Variants in NPC1L1 observed in about 807,000 individuals in gnomAD.
NPC1L1 encodes NPC1-like intracellular cholesterol transporter 1.
A neutral mutation model predicts 117.0 loss-of-function variants in NPC1L1; 98 were observed. The ratio of observed to expected loss-of-function variants is 0.84; its 90% CI spans 0.71 to 0.99. The LOEUF (loss-of-function observed/expected upper bound fraction) is 0.99. NPC1L1 is among the 50% of genes least tolerant of loss of function. The pLI is 0.00. For missense variants in NPC1L1, 1,540 were observed against 1,710.0 expected, an observed-to-expected ratio of 0.90 and a Z score of 1.75; for synonymous variants, 729 against 727.6, an observed-to-expected ratio of 1.00 and a Z score of -0.03.
rs140639995 is a variant in NPC1L1 at position 44,534,924 on chromosome 7, G to A, written c.1984-295C>T. On this transcript the variant is annotated intron_variant, in intron 5 of 18. Transcript: ENST00000381160. This position sits in a 1 kb window ranked among gnomAD's most constrained non-coding sequence, Gnocchi z 5.2. ...TTGCATTTGGGCAAGTGAGGGTATG[G>A]CATGTAACAGACAGAAAACTGCTCT... Among the ~76,000 whole-genome samples, 9 of 152,296 alleles carry A rather than the reference G, an allele frequency of 5.9e-5. No individual in the cohort carries two copies. The highest frequency in any genetic ancestry group is 3.9e-4 in the Admixed American group (6 of 15,296).
Position 44,536,956 on chromosome 7 carries a change from AC to A in NPC1L1, c.1581-15del. The A allele has an allele frequency of 6.2e-7, 1 of 1,610,848 alleles. No individual in the cohort carries two copies. Among genetic ancestry groups the A allele is most frequent in the Non-Finnish European group, 8.5e-7 (1 of 1,177,778 alleles). Reference sequence around the variant, plus strand: ...GTGAGCGGGGCACTAGAGGGAGATGACCGCAAAGGGAAAGGGCCTTTCCTGG... The same window carrying A: ...GTGAGCGGGGCACTAGAGGGAGATGACGCAAAGGGAAAGGGCCTTTCCTGG... On this transcript the variant is annotated splice_polypyrimidine_tract_variant and intron_variant, in intron 2 of 18. Coordinates refer to ENST00000381160, the MANE Select transcript of NPC1L1 (RefSeq NM_001101648.2). The surrounding 1 kb of genome is among the most constrained non-coding windows in gnomAD (Gnocchi z 4.7).
Position 44,539,413 on chromosome 7 carries a change from C to T in NPC1L1, c.984G>A (p.Lys328=). 1.2e-6 allele frequency: 2 copies of T among 1,614,130 alleles called. No homozygotes were observed. Among genetic ancestry groups the T allele is most frequent in the Non-Finnish European group, 1.7e-6 (2 of 1,180,000 alleles). Residue 328 remains lysine (K), a synonymous_variant, in exon 2 of 19, where the codon AAG becomes AAA. Coordinates refer to ENST00000381160, the MANE Select transcript of NPC1L1 (RefSeq NM_001101648.2). This position sits in a 1 kb window ranked among gnomAD's most constrained non-coding sequence, Gnocchi z 4.4. The stretch of plus-strand genomic sequence containing the variant: ...GGAGGGTGTGGGTGGAGAAGCTGAG[C>T]TTGTCAGAGAGGCTGGTGCCCTTCT... ...DPKKGTSLSD[K]LSFSTHTLLG...
rs1801908067 is a variant in NPC1L1, at chr7:44,536,762, C to T, written c.1681+80G>A. On this transcript the variant is annotated intron_variant, in intron 3 of 18. Coordinates refer to ENST00000381160, the MANE Select transcript of NPC1L1 (RefSeq NM_001101648.2). The surrounding 1 kb of genome is among the most constrained non-coding windows in gnomAD (Gnocchi z 4.7). ...CCCCAGGCCGCGAGAATCCCCAGCA[C>T]CACTCCCACCCTCCCGTCTATGGTT... is the stretch of plus-strand genomic sequence containing the variant. 10 of 1,299,288 alleles carry T rather than the reference C, an allele frequency of 7.7e-6. No homozygotes were observed. The South Asian group carries it at 1.2e-4, about 16-fold the overall frequency. The allele number at this position is 1,299,288 out of a possible 1,614,324, so 80.5% of individuals were successfully genotyped here.
intron 14 of NPC1L1, among the ~76,000 whole-genome samples, chr7:44,520,095 C>A (rs913966105): frequency 1.3e-5 from 2 of 152,180 alleles, no homozygotes; most frequent in African/African-American, 4.8e-5. Flanking sequence ...GCTTGGCCAA[C>A]GTGGTGCAAT....
rs148210447 is a variant in NPC1L1 at position 44,536,881 on chromosome 7, C to A, written c.1642G>T (p.Ala548Ser). Residue 548 changes from alanine to serine, a missense_variant, in exon 3 of 19, where the codon GCC (alanine) becomes TCC (serine). By Grantham distance (99) the Ala-to-Ser change is moderately conservative. Around this residue, in one of 3 missense-constraint regions of NPC1L1, gnomAD observed 793 missense variants for 820.4 expected, o/e 0.97. Transcript: ENST00000381160. This position sits in a 1 kb window ranked among gnomAD's most constrained non-coding sequence, Gnocchi z 4.7. ...ATGGCAAGGAAGGGGAAGACAGGGGCCCCGTAGTCAGCCATGCAGCTCAGG... is the reference window on the plus strand; with the variant it reads ...ATGGCAAGGAAGGGGAAGACAGGGGACCCGTAGTCAGCCATGCAGCTCAGG... ...LALSCMADYG[A>S]PVFPFLAIGG... 2.2e-4 allele frequency: 353 copies of A among 1,614,058 alleles called. No individual in the cohort carries two copies. The highest frequency in any genetic ancestry group is 2.8e-4 in the Non-Finnish European group (333 of 1,180,038).
chr7:44,535,356 C>T (rs1235502009), intron 5 of NPC1L1, among the ~76,000 whole-genome samples: 1 of 150,102 alleles, frequency 6.7e-6, no homozygotes, highest in Non-Finnish European at 1.5e-5. Context: ...AAGAGCAAAG[C>T]TCTGTCTCAA....
In NPC1L1 at chr7:44,535,847, C is replaced by T. The variant is rs536746218; in HGVS notation, c.1976G>A (p.Arg659Gln). Reference sequence around the variant, plus strand: ...GTCCCTCCCGCTTCTCACCATCACTCGGCTCCAGCTGGAATAGCTGCCCAG... The same window carrying T: ...GTCCCTCCCGCTTCTCACCATCACTTGGCTCCAGCTGGAATAGCTGCCCAG... ...LALGSYSSWS[R>Q]VMVDSKATLG... The change falls in exon 5 of 19, where the codon CGA becomes CAA. Residue 659 changes from arginine (R) to glutamine (Q), a missense_variant. Arg to Gln is a conservative substitution (Grantham distance 43). This residue lies in a region of NPC1L1 where 742 missense variants were observed against 873.6 expected (regional missense o/e 0.85). Coordinates refer to ENST00000381160, the MANE Select transcript of NPC1L1 (RefSeq NM_001101648.2). The T allele has an allele frequency of 1.5e-5, 25 of 1,612,942 alleles. No individual in the cohort carries two copies. The highest frequency in any genetic ancestry group is 8.0e-5 in the African/African-American group (6 of 75,014).
chr7:44,527,119 T>C (rs534063719), intron 10 of NPC1L1, among the ~76,000 whole-genome samples: 1 of 152,098 alleles, frequency 6.6e-6, no homozygotes, highest in Non-Finnish European at 1.5e-5. Context: ...TCACTAGACC[T>C]TCCCTGAAAG....
In NPC1L1 at chr7:44,540,110, A is replaced by G; in HGVS notation, c.287T>C (p.Leu96Pro). Residue 96 changes from leucine (L) to proline (P), a missense_variant, in exon 2 of 19, where the codon CTG (leucine) becomes CCG (proline). Around this residue, in one of 3 missense-constraint regions of NPC1L1, gnomAD observed 793 missense variants for 820.4 expected, o/e 0.97. Transcript: ENST00000381160. ...NTQACCSAKQ[L>P]VSLEASLSIT... ...CGACAGACTCGCTTCCAGTGATACC[A>G]GCTGCTTGGCGGAGCAGCAGGCTTG... 5.6e-6 allele frequency: 9 copies of G among 1,614,174 alleles called. No homozygotes were observed. The highest frequency in any genetic ancestry group is 7.6e-6 in the Non-Finnish European group (9 of 1,180,038).
chr7:44,532,005 C>T, intron 9 of NPC1L1, 75 bp downstream of exon 9: 1 of 1,609,526 alleles, frequency 6.2e-7, no homozygotes. Flanking sequence ...AACCTCCCCA[C>T]CTCCAACCCT....
At position 44,538,117 on chromosome 7, in the gene NPC1L1, G is replaced by T. The variant is rs140452177; in HGVS notation, c.1580+700C>A. Among the ~76,000 whole-genome samples the T allele has an allele frequency of 7.9e-3, 1,199 of 152,328 alleles. 16 individuals are homozygous for T. Among genetic ancestry groups the T allele is most frequent in the Middle Eastern group, 0.061 (18 of 294 alleles). On this transcript the variant is annotated intron_variant, in intron 2 of 18. Transcript: ENST00000381160. This position sits in a 1 kb window ranked among gnomAD's most constrained non-coding sequence, Gnocchi z 5.9. The stretch of plus-strand genomic sequence containing the variant: ...CCCCTTTTAACTCTCATTTGCTCTG[G>T]AGTATGGAGTACTAAACGTTCATCT...
chr7:44,517,632 C>T (rs936182375), intron 14 of NPC1L1, among the ~76,000 whole-genome samples: 17 of 152,080 alleles, frequency 1.1e-4, no homozygotes, highest in Admixed American at 9.2e-4. Context: ...CCTAGTGAAC[C>T]GAGATTCTTC....
In NPC1L1 at chr7:44,534,497, C is replaced by A. The variant is rs1801804850; in HGVS notation, c.2116G>T (p.Val706Leu). The change falls in exon 6 of 19, where the codon GTG becomes TTG. Residue 706 changes from valine to leucine, a missense_variant. Coordinates refer to ENST00000381160, the MANE Select transcript of NPC1L1 (RefSeq NM_001101648.2). This position sits in a 1 kb window ranked among gnomAD's most constrained non-coding sequence, Gnocchi z 5.2. ...ATGTTATCAGCCCCCACGGACAGCA[C>A]CAGGAAAGGAACCACTTGCAGGATG... ...LVILQVVPFLVLSVGADNIFI... is the reference protein window; with the variant it reads ...LVILQVVPFLLLSVGADNIFI... The A allele has an allele frequency of 6.2e-7, 1 of 1,614,106 alleles. No homozygotes were observed. The highest frequency in any genetic ancestry group is 8.5e-7 in the Non-Finnish European group (1 of 1,180,006).
Position 44,534,420 on chromosome 7 carries a change from G to T in NPC1L1, c.2166+27C>A. ...GGTTGGGAGAAGAGTGGGCAGTTGG[G>T]GGTGTGGAGAGCTCCTCCCTTCTTA... On this transcript the variant is annotated intron_variant, in intron 6 of 18. Coordinates refer to ENST00000381160, the MANE Select transcript of NPC1L1 (RefSeq NM_001101648.2). This position sits in a 1 kb window ranked among gnomAD's most constrained non-coding sequence, Gnocchi z 5.2. 1.9e-6 allele frequency: 3 copies of T among 1,612,654 alleles called. No individual in the cohort carries two copies. The highest frequency in any genetic ancestry group is 2.5e-6 in the Non-Finnish European group (3 of 1,178,694).
Position 44,536,392 on chromosome 7 carries a change from G to A in NPC1L1, c.1718C>T (p.Thr573Met), listed in dbSNP as rs199844547. 17 of 1,613,912 alleles carry A rather than the reference G, an allele frequency of 1.1e-5. No individual in the cohort carries two copies. Among genetic ancestry groups the A allele is most frequent in the Admixed American group, 3.3e-5 (2 of 60,028 alleles). ...DYSEAEALIM[T>M]FSLNNYPAGD... is the part of the protein sequence containing the mutation. The stretch of plus-strand genomic sequence containing the variant: ...GGCAGGGTAATTGTTGAGGGAGAAC[G>A]TCATGATCAGGGCCTCTGCCTCAGA... The change falls in exon 4 of 19, where the codon ACG (threonine) becomes ATG (methionine). Residue 573 changes from threonine to methionine, a missense_variant. Thr to Met is a moderately conservative substitution (Grantham distance 81). Transcript: ENST00000381160. The surrounding 1 kb of genome is among the most constrained non-coding windows in gnomAD (Gnocchi z 4.7).
chr7:44,524,098 A>G (rs1801437993), intron 10 of NPC1L1, among the ~76,000 whole-genome samples: 1 of 152,176 alleles, frequency 6.6e-6, no homozygotes, highest in Non-Finnish European at 1.5e-5. Flanking sequence ...GGAACCATAC[A>G]TATAAGGACA....
At position 44,540,314 on chromosome 7, in the gene NPC1L1, T is replaced by A; in HGVS notation, c.83A>T (p.His28Leu). 1.2e-6 allele frequency: 2 copies of A among 1,613,362 alleles called. No homozygotes were observed. Among genetic ancestry groups the A allele is most frequent in the Non-Finnish European group, 1.7e-6 (2 of 1,179,992 alleles). The change falls in exon 2 of 19, where the codon CAC becomes CTC. Residue 28 changes from histidine to leucine, a missense_variant. Transcript: ENST00000381160. ...LAQSEPYTTI[H>L]QPGYCAFYDE... ...ATAGAAGGCGCAGTAGCCAGGCTGGTGGATGGTTGTGTAAGGCTCACTCTG... is the reference window on the plus strand; with the variant it reads ...ATAGAAGGCGCAGTAGCCAGGCTGGAGGATGGTTGTGTAAGGCTCACTCTG...
chr7:44,527,461 C>CAAAAAA (rs1160435212), intron 10 of NPC1L1, among the ~76,000 whole-genome samples: 9 of 40,094 alleles, frequency 2.2e-4, no homozygotes, highest in East Asian at 9.9e-4. Flanking sequence ...AACAACTTCT[C>CAAAAAA]AAAAAAAAAA....
chr7:44,539,189 G>A lies in NPC1L1; in HGVS notation c.1208C>T (p.Pro403Leu). The stretch of plus-strand genomic sequence containing the variant: ...GATCACCTGGTTGGTTCGGAAGAAG[G>A]GGCCGAAATGCTGGTCATGGAAAGC... ...EKAFHDQHFG[P>L]FFRTNQVILT... The change falls in exon 2 of 19, where the codon CCC (proline) becomes CTC (leucine). Residue 403 changes from proline to leucine, a missense_variant. Coordinates refer to ENST00000381160, the MANE Select transcript of NPC1L1 (RefSeq NM_001101648.2). This position sits in a 1 kb window ranked among gnomAD's most constrained non-coding sequence, Gnocchi z 4.4. 3 of 1,614,110 alleles carry A rather than the reference G, an allele frequency of 1.9e-6. No individual in the cohort carries two copies. The highest frequency in any genetic ancestry group is 2.5e-6 in the Non-Finnish European group (3 of 1,180,030).
Sources: gnomAD v4.1 joint callset for allele counts (sites outside exome capture counted in the v4.1 genomes callset) on GRCh38, gnomAD v4.1.1 for gene constraint, gnomAD v4.1.1 regional missense constraint, Gnocchi (gnomAD v3.1) non-coding constraint, MANE v1.5 for transcripts, NCBI Gene and HGNC (gene_info 2026-07-23, HGNC 2026-07-21) for gene names.